Variants in PREX2 observed in about 807,000 individuals in gnomAD.
PREX2 encodes the protein phosphatidylinositol 3,4,5-trisphosphate-dependent Rac exchanger 2 protein.
Under a neutral mutation model 203.2 loss-of-function variants are expected in PREX2, and 107 were observed. That is an observed-to-expected ratio of 0.53 (90% CI 0.45 to 0.62). PREX2 has a LOEUF of 0.62. Ranked by LOEUF, PREX2 falls within the 20% of genes least tolerant of loss-of-function variation. The pLI is 0.00. For synonymous variants in PREX2, 672 were observed against 663.6 expected (o/e 1.01, Z -0.19); for missense variants, 1,777 against 1,955.9 (o/e 0.91, Z 1.72).
intron 19 of PREX2, among the ~76,000 whole-genome samples, chr8:68,089,066 G>GA (rs1472209208): frequency 1.3e-5 from 2 of 152,142 alleles, no homozygotes; most frequent in African/African-American, 4.8e-5. Context: ...TTTGCCACAA[G>GA]AAAAAGAGAT....
In PREX2 at chr8:68,232,342, A is replaced by C. The variant is rs1813184060; in HGVS notation, c.*964A>C. ...TGTTAAGATATATGTATAAGATATG[A>C]AAATAAGGCTTTATTTGTACTTTAA... On this transcript the variant is annotated 3_prime_UTR_variant, in exon 40 of 40. Coordinates refer to ENST00000288368, the MANE Select transcript of PREX2 (RefSeq NM_024870.4). 6.6e-6 allele frequency: 1 copy of C among 151,930 alleles called. No homozygotes were observed. Among genetic ancestry groups the C allele is most frequent in the Non-Finnish European group, 1.5e-5 (1 of 67,998 alleles). 9.4% of individuals were successfully genotyped at this position (151,930 alleles called of 1,614,324 possible).
At chr8:68,024,773 T>A (rs1444928517) in intron 4 of PREX2, among the ~76,000 whole-genome samples, 1 of 152,040 alleles carries the variant, frequency 6.6e-6, no homozygotes. Flanking sequence ...ACCATTTTGA[T>A]TCCTCTCAAT....
intron 24 of PREX2, 96 bp from the exon 25 acceptor site, chr8:68,109,320 T>A: frequency 1.2e-6 from 1 of 852,246 alleles, no homozygotes; most frequent in Non-Finnish European, 1.8e-6. Flanking sequence ...TATAATTTTA[T>A]CTGTCAATTA....
At chr8:68,124,277 G>C (rs1424135227) in intron 30 of PREX2, among the ~76,000 whole-genome samples, 1 of 152,076 alleles carries the variant, frequency 6.6e-6, no homozygotes, top group East Asian at 1.9e-4. Context: ...AGAAAATGTG[G>C]TACCTGTATT....
intron 23 of PREX2, among the ~76,000 whole-genome samples, chr8:68,107,215 TC>T (rs1426803202): frequency 6.6e-6 from 1 of 152,088 alleles, no homozygotes; most frequent in Non-Finnish European, 1.5e-5. Context: ...AGGAAACAGT[TC>T]GGCAATGAAG....
At chr8:68,003,149 T>G (rs2129609780) in intron 1 of PREX2, among the ~76,000 whole-genome samples, 1 of 152,268 alleles carries the variant, frequency 6.6e-6, no homozygotes, top group Admixed American at 6.5e-5. Flanking sequence ...ATCCTAAACT[T>G]TTATAAGTCC....
At chr8:68,152,297 A>AAAAC (rs1230648248) in intron 34 of PREX2, among the ~76,000 whole-genome samples, 2 of 150,734 alleles carry the variant, frequency 1.3e-5, no homozygotes, top group Admixed American at 6.6e-5. Context: ...GAGAAAAAAA[A>AAAAC]AAAAAAAAAA....
chr8:68,021,591 T>C (rs1807569411), intron 3 of PREX2, among the ~76,000 whole-genome samples: 1 of 152,240 alleles, frequency 6.6e-6, no homozygotes, highest in Non-Finnish European at 1.5e-5. Context: ...TCTAAATGAC[T>C]TTATTCCGTC....
At chr8:68,114,913 G>T (rs141888723) in intron 25 of PREX2, among the ~76,000 whole-genome samples, 1 of 152,038 alleles carries the variant, frequency 6.6e-6, no homozygotes, top group Non-Finnish European at 1.5e-5. Context: ...CTGAATATGA[G>T]CCAGTGAGGA....
At chr8:68,102,891 G>A (rs1810302073) in intron 23 of PREX2, 7 of 518,122 alleles carry the variant, frequency 1.4e-5, no homozygotes, top group South Asian at 9.8e-5. Flanking sequence ...AATCTTAAGC[G>A]AGATGTTTTT....
intron 37 of PREX2, among the ~76,000 whole-genome samples, chr8:68,207,138 A>AATAT (rs948022923): frequency 1.3e-5 from 2 of 151,972 alleles, no homozygotes; most frequent in African/African-American, 4.8e-5. Context: ...AGTATGCTCT[A>AATAT]ATATATATAT....
chr8:68,226,623 A>C (rs1434102427), intron 39 of PREX2, among the ~76,000 whole-genome samples: 1 of 152,192 alleles, frequency 6.6e-6, no homozygotes, highest in Non-Finnish European at 1.5e-5. Context: ...GATGTTTTAA[A>C]AAATTTACTC....
chr8:68,202,321 A>T (rs1033243734), intron 37 of PREX2, among the ~76,000 whole-genome samples: 13 of 152,166 alleles, frequency 8.5e-5, no homozygotes, highest in Admixed American at 4.6e-4. Context: ...GTGAGAGCGA[A>T]GCAGCGCTGA....
At chr8:68,127,254 A>G in intron 30 of PREX2, 124 bp from the exon 31 acceptor site, 1 of 666,854 alleles carries the variant, frequency 1.5e-6, no homozygotes, top group Non-Finnish European at 2.5e-6. Context: ...TAATGGCAAA[A>G]CCACAACTAC....
intron 21 of PREX2, among the ~76,000 whole-genome samples, chr8:68,095,297 C>T (rs1271194315): frequency 2.0e-5 from 3 of 152,158 alleles, no homozygotes; most frequent in African/African-American, 7.2e-5. Context: ...CTGAAAGCTC[C>T]TACCCCCTAA....
intron 35 of PREX2, among the ~76,000 whole-genome samples, chr8:68,188,827 A>T (rs932443845): frequency 5.9e-5 from 9 of 152,320 alleles, no homozygotes; most frequent in Non-Finnish European, 1.2e-4. Flanking sequence ...ATTCAGTGAG[A>T]CTTGGATGGG....
intron 1 of PREX2, among the ~76,000 whole-genome samples, chr8:67,960,575 G>A (rs142004655): frequency 0.013 from 2,009 of 152,232 alleles, 25 homozygotes; most frequent in Non-Finnish European, 0.022. Flanking sequence ...TGTTCCGGGA[G>A]CCACCAGGGA....
At chr8:68,168,780 T>C (rs1232192924) in intron 35 of PREX2, among the ~76,000 whole-genome samples, 1 of 152,244 alleles carries the variant, frequency 6.6e-6, no homozygotes, top group Non-Finnish European at 1.5e-5. Context: ...TCTTACTGCC[T>C]GTGTTAAAAA....
intron 35 of PREX2, among the ~76,000 whole-genome samples, chr8:68,165,144 T>C: frequency 6.6e-6 from 1 of 151,990 alleles, no homozygotes; most frequent in African/African-American, 2.4e-5. Context: ...TTGATTCAGA[T>C]GTAATCTCAG....
Sources: gnomAD v4.1 joint callset for allele counts (sites outside exome capture counted in the v4.1 genomes callset) on GRCh38, gnomAD v4.1.1 for gene constraint, MANE v1.5 for transcripts, NCBI Gene and HGNC (gene_info 2026-07-23, HGNC 2026-07-21) for gene names.